The following USP33 variants were observed in gnomAD, a reference collection of about 807,000 sequenced individuals.
USP33 encodes the protein ubiquitin specific peptidase 33.
A neutral mutation model predicts 124.2 loss-of-function variants in USP33; 46 were observed. The ratio of observed to expected loss-of-function variants is 0.37; its 90% CI spans 0.29 to 0.47. The LOEUF (loss-of-function observed/expected upper bound fraction) is 0.47. USP33 is among the 20% of genes least tolerant of loss of function. The probability of loss-of-function intolerance (pLI) is 0.99; values close to 1 mark genes in which losing one functional copy is unlikely to be tolerated. For missense variants in USP33, 851 were observed against 1,070.6 expected (o/e 0.79, Z 2.86); for synonymous variants, 350 against 352.3 (o/e 0.99, Z 0.07).
At chr1:77,726,554 G>A (rs1313984806) in intron 10 of USP33, among the ~76,000 whole-genome samples, 5 of 151,610 alleles carry the variant, frequency 3.3e-5, no homozygotes, top group African/African-American at 1.2e-4. Flanking sequence ...GCTGAGGTGG[G>A]AGGATCACTT....
At chr1:77,702,168 A>AAC (rs1674113008) in intron 21 of USP33, among the ~76,000 whole-genome samples, 1 of 124,636 alleles carries the variant, frequency 8.0e-6, no homozygotes, top group Admixed American at 7.7e-5. Flanking sequence ...AAAAAAAAAA[A>AAC]AAAAAAAAAC....
chr1:77,718,535 T>C, intron 16 of USP33, 61 bp downstream of exon 16: 1 of 1,268,160 alleles, frequency 7.9e-7, no homozygotes, highest in Non-Finnish European at 1.1e-6. Context: ...CTACATTTTG[T>C]TACATTAATA....
chr1:77,740,026 T>C (rs1267475429), intron 4 of USP33, among the ~76,000 whole-genome samples: 2 of 152,222 alleles, frequency 1.3e-5, no homozygotes, highest in Non-Finnish European at 2.9e-5. Context: ...ATTAATTCTA[T>C]AGAGGAATCC....
At chr1:77,714,991 TA>T in intron 18 of USP33, 1 of 491,294 alleles carries the variant, frequency 2.0e-6, no homozygotes, top group East Asian at 3.6e-5. Flanking sequence ...GGTATCCACA[TA>T]ACTACTGGAA....
In USP33 at chr1:77,696,382, G is replaced by C. The variant is rs1407886471; in HGVS notation, c.*935C>G. On this transcript the variant is annotated 3_prime_UTR_variant, in exon 24 of 24. Coordinates refer to ENST00000370794, the MANE Select transcript of USP33 (RefSeq NM_201624.3). ...TGAAGTTTAACATTGTACAATATAA[G>C]CGGCAATAAGTTACTGATATCTGCT... The C allele has an allele frequency of 6.6e-6, 1 of 152,584 alleles. No individual in the cohort carries two copies. The highest frequency in any genetic ancestry group is 1.9e-4 in the East Asian group (1 of 5,204). 9.5% of individuals were successfully genotyped at this position (152,584 alleles called of 1,614,324 possible).
chr1:77,747,707 C>T (rs1478025340), intron 1 of USP33, among the ~76,000 whole-genome samples: 1 of 152,168 alleles, frequency 6.6e-6, no homozygotes, highest in African/African-American at 2.4e-5. Context: ...CTTATCTTCA[C>T]ATTTCCTTTA....
At chr1:77,742,781 A>G (rs1383566733) in intron 1 of USP33, among the ~76,000 whole-genome samples, 1 of 152,198 alleles carries the variant, frequency 6.6e-6, no homozygotes, top group Non-Finnish European at 1.5e-5. Context: ...TGAACTTCAG[A>G]AACACTGTAA....
At chr1:77,699,819 A>G (rs1437413002) in intron 22 of USP33, among the ~76,000 whole-genome samples, 1 of 152,260 alleles carries the variant, frequency 6.6e-6, no homozygotes, top group Non-Finnish European at 1.5e-5. Context: ...TAGACTGGAT[A>G]AAGAAAATGT....
At chr1:77,711,920 G>A in intron 20 of USP33, 65 bp from the exon 21 acceptor site, 3 of 1,429,406 alleles carry the variant, frequency 2.1e-6, no homozygotes, top group Non-Finnish European at 2.8e-6. Context: ...TAAGTCAGTG[G>A]CCAAATACCC....
Position 77,697,391 on chromosome 1 carries a change from G to A in USP33, c.2662C>T (p.Pro888Ser), listed in dbSNP as rs1243634330. 5 of 1,613,234 alleles carry A rather than the reference G, an allele frequency of 3.1e-6. No individual in the cohort carries two copies. The East Asian group carries it at 8.9e-5, about 29-fold the overall frequency. ...YGGGPEVILRPPVVHVDPDIL... is the reference protein window; with the variant it reads ...YGGGPEVILRSPVVHVDPDIL... ...TCTGGATCAACATGAACAACCGGAG[G>A]TCGCAGGATAACTTCAGGCCCTCCA... Residue 888 changes from proline (P) to serine (S), a missense_variant, in exon 24 of 24, where the codon CCT becomes TCT. Transcript: ENST00000370794.
chr1:77,718,822 A>C, intron 15 of USP33, 181 bp from the exon 16 acceptor site: 1 of 498,916 alleles, frequency 2.0e-6, no homozygotes, highest in Non-Finnish European at 3.6e-6. Flanking sequence ...CCAGATACTC[A>C]GGAGGCTGAG....
chr1:77,723,380 A>G lies in USP33; in HGVS notation c.1340T>C (p.Ile447Thr), dbSNP rs749189780. The change falls in exon 12 of 24, where the codon ATA becomes ACA. Residue 447 changes from isoleucine to threonine, a missense_variant. Physicochemically the swap from Ile to Thr is moderately conservative, Grantham distance 89. Around this residue, in one of 4 missense-constraint regions of USP33, gnomAD observed 281 missense variants for 425.0 expected, o/e 0.66. Coordinates refer to ENST00000370794, the MANE Select transcript of USP33 (RefSeq NM_201624.3). ...TGAACTAATGATTGTTCCATCAAATATGTCTGAAATAACACTTCTGTATTT... is the reference window on the plus strand; with the variant it reads ...TGAACTAATGATTGTTCCATCAAATGTGTCTGAAATAACACTTCTGTATTT... ...HKKYRSVISD[I>T]FDGTIISSVQ... 5.0e-6 allele frequency: 8 copies of G among 1,613,348 alleles called. No individual in the cohort carries two copies. The South Asian group carries it at 6.6e-5, about 13-fold the overall frequency.
intron 1 of USP33, chr1:77,759,440 C>CACTA (rs1168163522): frequency 3.0e-5 from 12 of 395,798 alleles, no homozygotes; most frequent in Non-Finnish European, 4.9e-5. Flanking sequence ...ACAGGGCGAC[C>CACTA]ACTAGATTAT....
chr1:77,717,739 G>T (rs1284285045), intron 17 of USP33, 128 bp downstream of exon 17: 2 of 767,096 alleles, frequency 2.6e-6, no homozygotes, highest in African/African-American at 1.8e-5. Context: ...CAAACTCCTG[G>T]CTTTAATTAA....
intron 21 of USP33, 135 bp downstream of exon 21, chr1:77,711,612 A>C (rs925238776): frequency 7.1e-7 from 1 of 1,415,282 alleles, no homozygotes. Context: ...GAGGTCATTC[A>C]CCATTATGCA....
chr1:77,752,557 T>C (rs1166186811), intron 1 of USP33, among the ~76,000 whole-genome samples: 4 of 152,090 alleles, frequency 2.6e-5, no homozygotes, highest in Non-Finnish European at 5.9e-5. Context: ...TCATAAAAAG[T>C]CAGATTCACA....
At chr1:77,729,562 T>G (rs546677733) in intron 9 of USP33, among the ~76,000 whole-genome samples, 2 of 151,898 alleles carry the variant, frequency 1.3e-5, no homozygotes, top group Non-Finnish European at 2.9e-5. Context: ...TCCCAGTTAC[T>G]CAGAAGGCTG....
At chr1:77,739,181 TTTTGAAA>T in intron 5 of USP33, 77 bp downstream of exon 5, 1 of 1,497,374 alleles carries the variant, frequency 6.7e-7, no homozygotes, top group Non-Finnish European at 9.0e-7. Context: ...GCAGTATTCC[TTTTGAAA>T]ATTTCAGCTA....
chr1:77,739,137 G>C (rs1165466913), intron 5 of USP33, 128 bp downstream of exon 5: 4 of 1,087,292 alleles, frequency 3.7e-6, no homozygotes, highest in Non-Finnish European at 5.2e-6. Context: ...AGAGAAAAAA[G>C]GCACATTACA....
Sources: allele counts gnomAD v4.1 joint callset (sites outside exome capture counted in the v4.1 genomes callset), GRCh38; gene constraint gnomAD v4.1.1; regional missense constraint gnomAD v4.1.1; transcripts MANE v1.5; gene names NCBI Gene and HGNC (gene_info 2026-07-23, HGNC 2026-07-21).